The following MUC7 variants were observed in gnomAD, a reference collection of about 807,000 sequenced individuals.
MUC7 encodes the protein mucin 7, secreted.
A neutral mutation model predicts 2.5 loss-of-function variants in MUC7; 2 were observed. That is an observed-to-expected ratio of 0.81 (90% CI 0.33 to 2.55). MUC7 has a LOEUF of 2.55. Ranked by LOEUF, MUC7 falls within the 30% of genes most tolerant of loss-of-function variation. The pLI is 0.11. For synonymous variants in MUC7, 133 were observed against 173.4 expected (o/e 0.77, Z 1.83); for missense variants, 408 against 455.6 (o/e 0.90, Z 0.95).
At chr4:70,472,059 T>C (rs7662264), upstream of MUC7, 30,206 of 152,174 alleles carry the variant, frequency 0.2, 3,574 homozygotes, top group African/African-American at 0.32. Context: ...CTACTGTCAA[T>C]CTCAGCAAAC....
At position 70,480,852 on chromosome 4, in the gene MUC7, C is replaced by A; in HGVS notation, c.108C>A (p.His36Gln). The A allele has an allele frequency of 6.2e-7, 1 of 1,614,094 alleles. No individual in the cohort carries two copies. The highest frequency in any genetic ancestry group is 8.5e-7 in the Non-Finnish European group (1 of 1,179,960). Residue 36 changes from histidine to glutamine, a missense_variant, in exon 3 of 3, where the codon CAC becomes CAA. Coordinates refer to ENST00000304887, the MANE Select transcript of MUC7 (RefSeq NM_152291.3). ...AACTACGTCACAGAAGGCATCATCA[C>A]CAATCACCCAAATCTCACTTTGAAT... is the stretch of plus-strand genomic sequence containing the variant. The part of the protein sequence containing the change: ...DHELRHRRHH[H>Q]QSPKSHFELP...
chr4:70,444,070 C>T lies in MUC7; in HGVS notation c.-93+13383C>T, dbSNP rs530886732. ...AAGCCTTAAACCACTGCTACAAGAT[C>T]GACTACAACCACTTCCACAAATATT... On this transcript the variant is annotated intron_variant, in intron 1 of 3. Coordinates refer to the MUC7 transcript ENST00000413702. Among the ~76,000 whole-genome samples the T allele has an allele frequency of 1.1e-4, 16 of 152,280 alleles. No individual in the cohort carries two copies. In the East Asian group the frequency reaches 1.7e-3, roughly 17 times the overall value.
chr4:70,438,944 G>A (rs1733934137), intron 1 of MUC7, among the ~76,000 whole-genome samples: 2 of 152,298 alleles, frequency 1.3e-5, no homozygotes, highest in South Asian at 2.1e-4. Flanking sequence ...CATGTGGCAG[G>A]CACTGTTCAA....
chr4:70,474,203 G>A (rs917606964), intron 2 of MUC7, 128 bp downstream of exon 2: 3 of 731,462 alleles, frequency 4.1e-6, no homozygotes, highest in African/African-American at 1.8e-5. Context: ...TTTATTTCCA[G>A]GAAACCTATA....
At chr4:70,454,467 A>G (rs1734366971) in intron 1 of MUC7, among the ~76,000 whole-genome samples, 1 of 152,084 alleles carries the variant, frequency 6.6e-6, no homozygotes, top group African/African-American at 2.4e-5. Flanking sequence ...CAGGCACTGC[A>G]TGCTCCCTCC....
chr4:70,448,133 T>G (rs2109712472), intron 1 of MUC7, among the ~76,000 whole-genome samples: 1 of 152,314 alleles, frequency 6.6e-6, no homozygotes, highest in South Asian at 2.1e-4. Context: ...ATTCTTTTTA[T>G]AGCTGAGTAG....
In MUC7 at chr4:70,481,748, C is replaced by T. The variant is rs762313254; in HGVS notation, c.1004C>T (p.Thr335Ile). 6.2e-7 allele frequency: 1 copy of T among 1,614,214 alleles called. No individual in the cohort carries two copies. Among genetic ancestry groups the T allele is most frequent in the South Asian group, 1.1e-5 (1 of 91,084 alleles). ...TSAAPTHQTT[T>I]SVTTQTTTTK... ...GCTGCACCCACACACCAGACTACTA[C>T]TTCGGTCACTACTCAAACTACTACT... Residue 335 changes from threonine to isoleucine, a missense_variant, in exon 3 of 3, where the codon ACT becomes ATT. By Grantham distance (89) the Thr-to-Ile change is moderately conservative (BLOSUM62 -1). Transcript: ENST00000304887.
Position 70,481,369 on chromosome 4 carries a change from C to A in MUC7, c.625C>A (p.Pro209Thr). The change falls in exon 3 of 3, where the codon CCA (proline) becomes ACA (threonine). Residue 209 changes from proline to threonine, a missense_variant. Pro to Thr is a conservative substitution (Grantham distance 38). Coordinates refer to ENST00000304887, the MANE Select transcript of MUC7 (RefSeq NM_152291.3). ...AGCTCCACCATCTTCCTCAGCTCCA[C>A]CAGAGACCACAGCTGCCCCACCCAC... ...TQAPPSSSAP[P>T]ETTAAPPTPP... 6.2e-7 allele frequency: 1 copy of A among 1,613,276 alleles called. No individual in the cohort carries two copies. Among genetic ancestry groups the A allele is most frequent in the Non-Finnish European group, 8.5e-7 (1 of 1,179,822 alleles).
upstream of MUC7, among the ~76,000 whole-genome samples, chr4:70,467,406 G>T: frequency 6.6e-6 from 1 of 152,028 alleles, no homozygotes; most frequent in Non-Finnish European, 1.5e-5. Flanking sequence ...AAATAACTAA[G>T]ATCAGAGCAG....
intron 1 of MUC7, among the ~76,000 whole-genome samples, chr4:70,462,211 T>TA (rs1287710866): frequency 2.1e-3 from 158 of 76,306 alleles, no homozygotes; most frequent in African/African-American, 7.6e-3. Flanking sequence ...AATCCTGTCT[T>TA]AAAAAAAAAG....
At chr4:70,476,284 C>G (rs1359091895) in intron 2 of MUC7, among the ~76,000 whole-genome samples, 2 of 152,150 alleles carry the variant, frequency 1.3e-5, no homozygotes, top group African/African-American at 4.8e-5. Context: ...GAATCCCTGG[C>G]TACCAACACC....
At chr4:70,466,843 G>A (rs533265146) in intron 1 of MUC7, among the ~76,000 whole-genome samples, 1 of 152,302 alleles carries the variant, frequency 6.6e-6, no homozygotes, top group African/African-American at 2.4e-5. Context: ...ATATTAGACA[G>A]ATCAACAGAG....
At chr4:70,465,004 G>A (rs1359037300) in intron 1 of MUC7, among the ~76,000 whole-genome samples, 1 of 152,124 alleles carries the variant, frequency 6.6e-6, no homozygotes, top group African/African-American at 2.4e-5. Context: ...GAGAGTTCCG[G>A]TTGGCATCTG....
chr4:70,457,400 C>T (rs937346269), intron 1 of MUC7, among the ~76,000 whole-genome samples: 1 of 152,062 alleles, frequency 6.6e-6, no homozygotes, highest in Admixed American at 6.6e-5. Flanking sequence ...GCTGATTATG[C>T]CACAGCACTC....
chr4:70,468,791 T>C (rs975234714), upstream of MUC7, among the ~76,000 whole-genome samples: 7 of 152,166 alleles, frequency 4.6e-5, no homozygotes, highest in Non-Finnish European at 8.8e-5. Flanking sequence ...TCCATGCTCA[T>C]GGACAGGAAG....
intron 1 of MUC7, among the ~76,000 whole-genome samples, chr4:70,453,171 C>T (rs183836034): frequency 6.6e-6 from 1 of 152,310 alleles, no homozygotes; most frequent in Non-Finnish European, 1.5e-5. Flanking sequence ...GCTCTGACAT[C>T]AGCAGGTAGC....
intron 1 of MUC7, among the ~76,000 whole-genome samples, chr4:70,459,422 G>A (rs1019978035): frequency 1.3e-5 from 2 of 152,116 alleles, no homozygotes; most frequent in African/African-American, 2.4e-5. Context: ...ACACTCTGGG[G>A]ACTGTTGTGG....
intron 1 of MUC7, among the ~76,000 whole-genome samples, chr4:70,466,903 G>T (rs1734698291): frequency 6.6e-6 from 1 of 152,200 alleles, no homozygotes; most frequent in Admixed American, 6.5e-5. Flanking sequence ...TCTGGACCAA[G>T]TGGATCTAAC....
intron 1 of MUC7, among the ~76,000 whole-genome samples, chr4:70,465,864 C>A (rs144583121): frequency 1.3e-5 from 2 of 152,154 alleles, no homozygotes; most frequent in Non-Finnish European, 2.9e-5. Flanking sequence ...CCCAGCAAAA[C>A]AGACCAACAT....
Sources: gnomAD v4.1 joint callset for allele counts (sites outside exome capture counted in the v4.1 genomes callset) on GRCh38, gnomAD v4.1.1 for gene constraint, MANE v1.5 for transcripts, NCBI Gene and HGNC (gene_info 2026-07-23, HGNC 2026-07-21) for gene names.